FRMD7: variants seen among roughly 807,000 people sequenced by gnomAD.
The protein encoded by FRMD7 is FERM domain containing 7.
A neutral mutation model predicts 44.1 loss-of-function variants in FRMD7; 14 were observed. The observed-to-expected ratio is 0.32, with a 90% CI of 0.21 to 0.50. The LOEUF is 0.50. FRMD7 is among the 20% of genes least tolerant of loss of function. The pLI, the probability that FRMD7 is intolerant of heterozygous loss-of-function variation, is 0.99. For synonymous variants in FRMD7, 212 were observed against 187.4 expected (o/e 1.13, Z -1.07); for missense variants, 501 against 522.3 (o/e 0.96, Z 0.40).
intron 1 of FRMD7, among the ~76,000 whole-genome samples, chrX:132,102,818 C>T (rs1393022237): frequency 9.0e-6 from 1 of 111,614 alleles, no homozygotes; most frequent in Non-Finnish European, 1.9e-5. Flanking sequence ...TCCATCAGGG[C>T]ACTTAATCCT....
intron 1 of FRMD7, among the ~76,000 whole-genome samples, chrX:132,125,305 C>A (rs940788760): frequency 1.8e-5 from 2 of 111,760 alleles, no homozygotes; most frequent in African/African-American, 3.3e-5. Context: ...GATCATGTGT[C>A]CTTTTTATAT....
chrX:132,088,287 C>T (rs1387700987), intron 5 of FRMD7, among the ~76,000 whole-genome samples: 2 of 112,376 alleles, frequency 1.8e-5, no homozygotes, highest in Non-Finnish European at 3.8e-5. Context: ...TGGTGGCTCA[C>T]GCCTGTAATC....
chrX:132,092,698 C>T (rs1292680365), intron 5 of FRMD7, among the ~76,000 whole-genome samples: 2 of 111,947 alleles, frequency 1.8e-5, no homozygotes, highest in Non-Finnish European at 3.8e-5. Flanking sequence ...CCGTCAGAGA[C>T]TGCCTGGGAG....
chrX:132,085,559 C>T (rs757434455), intron 7 of FRMD7, 22 bp downstream of exon 7: 1 of 1,207,404 alleles, frequency 8.3e-7, no homozygotes, highest in Non-Finnish European at 1.1e-6. Context: ...AGCTGAAGGG[C>T]TTGAAAGGAA....
intron 9 of FRMD7, among the ~76,000 whole-genome samples, chrX:132,081,563 A>G (rs940409915): frequency 1.5e-4 from 17 of 112,525 alleles, no homozygotes; most frequent in Admixed American, 6.6e-4. Flanking sequence ...TTAAGAAGGC[A>G]GGGATTCATA....
Position 132,099,952 on chromosome X carries a change from C to T in FRMD7, c.163-442G>A, listed in dbSNP as rs56100250. On this transcript the variant is annotated intron_variant, in intron 2 of 11. Transcript: ENST00000298542. Reference sequence around the variant, plus strand: ...AGGACACAACAGAAGAATATCTGAACGTTAGGGTCTGAGAAAGGAGAAAGG... The same window carrying T: ...AGGACACAACAGAAGAATATCTGAATGTTAGGGTCTGAGAAAGGAGAAAGG... 7.7e-3 allele frequency among the ~76,000 whole-genome samples: 863 copies of T among 111,853 alleles called. 3 individuals carry two copies. The highest frequency in any genetic ancestry group is 0.014 in the Middle Eastern group (3 of 218).
chrX:132,112,672 G>A (rs779612807), intron 1 of FRMD7, among the ~76,000 whole-genome samples: 4 of 111,399 alleles, frequency 3.6e-5, no homozygotes, highest in Admixed American at 9.5e-5. Context: ...TCCGGCCCAC[G>A]TGACTATCCT....
chrX:132,080,372 CAT>C, intron 9 of FRMD7, 106 bp from the exon 10 acceptor site: 1 of 557,572 alleles, frequency 1.8e-6, no homozygotes, highest in East Asian at 3.4e-5. Flanking sequence ...AGATGAATGA[CAT>C]ATGTCATGAA....
At chrX:132,102,447 TG>T (rs11304137) in intron 1 of FRMD7, among the ~76,000 whole-genome samples, 35,253 of 109,098 alleles carry the variant, frequency 0.32, 4,618 homozygotes, top group African/African-American at 0.44. Flanking sequence ...TCAGTTCCCC[TG>T]GGGGGGGTGG....
At chrX:132,113,967 C>G (rs753487344) in intron 1 of FRMD7, among the ~76,000 whole-genome samples, 163 of 91,193 alleles carry the variant, frequency 1.8e-3, no homozygotes, top group African/African-American at 6.4e-3. Context: ...CCTCTGGTAA[C>G]CATGTTACCT....
chrX:132,124,439 A>T (rs1159442863), intron 1 of FRMD7, among the ~76,000 whole-genome samples: 1 of 111,805 alleles, frequency 8.9e-6, no homozygotes, highest in African/African-American at 3.2e-5. Context: ...AAGTAAGATG[A>T]CATTTTCACT....
intron 4 of FRMD7, among the ~76,000 whole-genome samples, chrX:132,096,716 CAA>C (rs34250894): frequency 0.36 from 19,997 of 55,036 alleles, 2,006 homozygotes; most frequent in African/African-American, 0.41. Flanking sequence ...GACCCTGTCT[CAA>C]AAAAAAAAAA....
chrX:132,097,563 G>A (rs564774292), intron 3 of FRMD7, among the ~76,000 whole-genome samples: 2 of 111,066 alleles, frequency 1.8e-5, no homozygotes, highest in South Asian at 7.7e-4. Flanking sequence ...GATTGGGAAA[G>A]TTCTCCCACC....
chrX:132,080,128 T>C (rs1389425767), intron 10 of FRMD7, 47 bp from the exon 11 acceptor site: 3 of 1,106,099 alleles, frequency 2.7e-6, no homozygotes, highest in African/African-American at 3.6e-5. Context: ...TTCATGTGAA[T>C]ACCAGGATAC....
intron 1 of FRMD7, among the ~76,000 whole-genome samples, chrX:132,115,401 C>T (rs1370422306): frequency 5.3e-5 from 6 of 112,560 alleles, no homozygotes. Context: ...CAAGTACAGC[C>T]AAACCCAGGA....
At chrX:132,126,785 T>C (rs1929166402) in intron 1 of FRMD7, among the ~76,000 whole-genome samples, 1 of 111,841 alleles carries the variant, frequency 8.9e-6, no homozygotes, top group East Asian at 2.8e-4. Context: ...TTCAGGTCCG[T>C]GGAACTAGAA....
rs762194321 is a variant in FRMD7, at chrX:132,097,402, T to TACAC, written c.206-62_206-59dup. 1,132 of 580,612 alleles carry TACAC rather than the reference T, an allele frequency of 1.9e-3. 5 individuals carry two copies. Among genetic ancestry groups the TACAC allele is most frequent in the African/African-American group, 0.014 (597 of 42,017 alleles). 47.8% of individuals were successfully genotyped at this position (580,612 alleles called of 1,213,427 possible). A position where few individuals can be genotyped will look rare whatever the true frequency, so the allele number is the denominator to read the frequency against. On this transcript the variant is annotated intron_variant, in intron 3 of 11. Coordinates refer to ENST00000298542, the MANE Select transcript of FRMD7 (RefSeq NM_194277.3). ...AAATGTCCATCACAACAGTTATAGG[T>TACAC]ACACACACACACACACACACACACA... is the stretch of plus-strand genomic sequence containing the variant.
Position 132,078,532 on chromosome X carries a change from G to A in FRMD7, c.1485C>T (p.Val495=). The change falls in exon 12 of 12, where the codon GTC becomes GTT. Residue 495 remains valine (V), a synonymous_variant. Coordinates refer to ENST00000298542, the MANE Select transcript of FRMD7 (RefSeq NM_194277.3). ...GQQVGIMPPQ[V]FFYVDKPPQV... is the part of the protein sequence containing the mutation. ...GGGGTGGCTTGTCCACATAAAAAAA[G>A]ACCTGGGGAGGCATAATACCAACCT... is the stretch of plus-strand genomic sequence containing the variant. 1.7e-6 allele frequency: 2 copies of A among 1,211,360 alleles called. No individual in the cohort carries two copies. The highest frequency in any genetic ancestry group is 2.2e-6 in the Non-Finnish European group (2 of 895,166).
intron 1 of FRMD7, among the ~76,000 whole-genome samples, chrX:132,120,343 T>C (rs745372194): frequency 4.0e-4 from 45 of 112,799 alleles, no homozygotes; most frequent in African/African-American, 1.2e-3. Context: ...CAGATCGTTC[T>C]GGCTGCAGGG....
Sources: allele counts gnomAD v4.1 joint callset (sites outside exome capture counted in the v4.1 genomes callset), GRCh38; gene constraint gnomAD v4.1.1; transcripts MANE v1.5; gene names NCBI Gene and HGNC (gene_info 2026-07-23, HGNC 2026-07-21).